The following SNTG1 variants were observed in gnomAD, a reference collection of about 807,000 sequenced individuals.
The protein encoded by SNTG1 is syntrophin gamma 1.
In SNTG1, 39 loss-of-function variants were observed where a neutral mutation model predicts 74.7. The ratio of observed to expected loss-of-function variants is 0.52; its 90% CI spans 0.40 to 0.68. The LOEUF (loss-of-function observed/expected upper bound fraction) is 0.68. SNTG1 is among the 30% of genes least tolerant of loss of function. The pLI is 0.00. For missense variants in SNTG1, 685 were observed against 609.5 expected, an observed-to-expected ratio of 1.12 and a Z score of -1.30; for synonymous variants, 254 against 217.1, an observed-to-expected ratio of 1.17 and a Z score of -1.49.
intron 2 of SNTG1, among the ~76,000 whole-genome samples, chr8:50,294,951 C>T (rs2089295958): frequency 6.6e-6 from 1 of 152,094 alleles, no homozygotes; most frequent in Admixed American, 6.6e-5. Context: ...AAACTCCATC[C>T]AACACCACAT....
chr8:50,658,735 C>A, intron 15 of SNTG1, 72 bp downstream of exon 15: 2 of 930,014 alleles, frequency 2.2e-6, no homozygotes, highest in Non-Finnish European at 3.3e-6. Context: ...TCATAAGCAG[C>A]TCATGAAAAC....
At chr8:50,651,701 C>A (rs1443141584) in intron 13 of SNTG1, among the ~76,000 whole-genome samples, 1 of 152,082 alleles carries the variant, frequency 6.6e-6, no homozygotes, top group African/African-American at 2.4e-5. Context: ...AGGTGATCCA[C>A]CCACCTCGGC....
At chr8:50,388,546 T>G (rs190045484) in intron 2 of SNTG1, among the ~76,000 whole-genome samples, 1 of 152,292 alleles carries the variant, frequency 6.6e-6, no homozygotes, top group Admixed American at 6.5e-5. Flanking sequence ...TACCCAAATC[T>G]ATATCAGTCA....
At chr8:50,484,059 TTTTC>T (rs929535793) in intron 8 of SNTG1, among the ~76,000 whole-genome samples, 11 of 151,766 alleles carry the variant, frequency 7.2e-5, no homozygotes, top group African/African-American at 1.9e-4. Context: ...ACATTCTGGA[TTTTC>T]TTTCTTTCTT....
intron 8 of SNTG1, among the ~76,000 whole-genome samples, chr8:50,468,933 T>C (rs1037055959): frequency 7.2e-5 from 11 of 152,236 alleles, no homozygotes; most frequent in African/African-American, 2.7e-4. Flanking sequence ...CCCTCCCATC[T>C]CTTATGACAT....
intron 1 of SNTG1, among the ~76,000 whole-genome samples, chr8:50,086,495 G>T (rs773745336): frequency 1.3e-5 from 2 of 152,146 alleles, no homozygotes; most frequent in Non-Finnish European, 2.9e-5. Context: ...CATGATGAGG[G>T]AGATAATTTT....
chr8:50,405,957 C>T (rs116076721), intron 4 of SNTG1, among the ~76,000 whole-genome samples: 87 of 152,130 alleles, frequency 5.7e-4, no homozygotes, highest in East Asian at 5.0e-3. Context: ...ATGCCAGTAA[C>T]GCACAGTTAT....
At chr8:49,986,307 A>C (rs1162359322) in intron 1 of SNTG1, among the ~76,000 whole-genome samples, 1 of 152,142 alleles carries the variant, frequency 6.6e-6, no homozygotes, top group Non-Finnish European at 1.5e-5. Context: ...TCTTCAGATA[A>C]TGAAGAGTGT....
chr8:50,435,039 C>T (rs1330803863), intron 4 of SNTG1, among the ~76,000 whole-genome samples: 1 of 151,996 alleles, frequency 6.6e-6, no homozygotes, highest in Admixed American at 6.6e-5. Flanking sequence ...TTCATACAAT[C>T]TTTCTCTATA....
intron 1 of SNTG1, among the ~76,000 whole-genome samples, chr8:50,019,540 C>G (rs1816634047): frequency 6.6e-6 from 1 of 152,136 alleles, no homozygotes; most frequent in South Asian, 2.1e-4. Flanking sequence ...TTTATCTGAA[C>G]TATTAATGCA....
At chr8:50,495,468 T>C (rs1463338660) in intron 8 of SNTG1, among the ~76,000 whole-genome samples, 1 of 151,888 alleles carries the variant, frequency 6.6e-6, no homozygotes. Context: ...AAATTCTTTT[T>C]TTTTTTTTTT....
At chr8:50,100,948 A>T (rs1392214488) in intron 1 of SNTG1, among the ~76,000 whole-genome samples, 1 of 152,008 alleles carries the variant, frequency 6.6e-6, no homozygotes, top group Non-Finnish European at 1.5e-5. Flanking sequence ...GTCCACCTTC[A>T]AATATTCCCT....
Position 50,794,606 on chromosome 8 carries a change from G to A in SNTG1, c.*1777G>A, listed in dbSNP as rs2095700303. 1 of 151,962 alleles carries A rather than the reference G, an allele frequency of 6.6e-6. No individual in the cohort carries two copies. Among genetic ancestry groups the A allele is most frequent in the Non-Finnish European group, 1.5e-5 (1 of 67,932 alleles). 9.4% of individuals were successfully genotyped at this position (151,962 alleles called of 1,614,324 possible). On this transcript the variant is annotated 3_prime_UTR_variant, in exon 19 of 19. Coordinates refer to ENST00000642720, the MANE Select transcript of SNTG1 (RefSeq NM_018967.5). The stretch of plus-strand genomic sequence containing the variant: ...ATTGTAAAATTGAAACCCACCAAAA[G>A]CAGCCTTCAGTAGTAGGCCACTTCT...
chr8:50,446,551 T>A (rs1360617004), intron 5 of SNTG1, among the ~76,000 whole-genome samples: 1 of 151,758 alleles, frequency 6.6e-6, no homozygotes, highest in Non-Finnish European at 1.5e-5. Flanking sequence ...TGATGGTGAG[T>A]GGCTGTAATC....
In SNTG1 at chr8:50,792,839, C is replaced by G. The variant is rs1356768205; in HGVS notation, c.*10C>G. The G allele has an allele frequency of 4.3e-6, 7 of 1,610,188 alleles. No individual in the cohort carries two copies. The highest frequency in any genetic ancestry group is 8.5e-7 in the Non-Finnish European group (1 of 1,177,848). ...AAAGTATACAACTTGACATACTGAA[C>G]TCTTCATTGACACACCCCATGACTG... On this transcript the variant is annotated 3_prime_UTR_variant, in exon 19 of 19. Coordinates refer to ENST00000642720, the MANE Select transcript of SNTG1 (RefSeq NM_018967.5).
At chr8:50,486,913 T>C (rs1484611127) in intron 8 of SNTG1, among the ~76,000 whole-genome samples, 2 of 152,244 alleles carry the variant, frequency 1.3e-5, no homozygotes, top group Non-Finnish European at 2.9e-5. Flanking sequence ...GATAATCATG[T>C]GGTTTTTGTC....
chr8:50,656,126 A>G (rs1235907929), intron 13 of SNTG1, among the ~76,000 whole-genome samples: 1 of 152,156 alleles, frequency 6.6e-6, no homozygotes, highest in Non-Finnish European at 1.5e-5. Flanking sequence ...ATGAAGTGGG[A>G]GGTATATCCT....
At position 50,633,747 on chromosome 8, in the gene SNTG1, G is replaced by T. The variant is rs776348814; in HGVS notation, c.850-23162G>T. On this transcript the variant is annotated intron_variant, in intron 13 of 18. Transcript: ENST00000642720. ...CCCAAATTCTATGGCGCTGAAACAG[G>T]TACCCATGTTATCATCTTCCTATTC... is the stretch of plus-strand genomic sequence containing the variant. Among the ~76,000 whole-genome samples the T allele has an allele frequency of 2.0e-5, 3 of 152,112 alleles. No homozygotes were observed. The South Asian group carries it at 6.2e-4, about 32-fold the overall frequency.
chr8:49,990,980 A>G (rs539802977), intron 1 of SNTG1, among the ~76,000 whole-genome samples: 12 of 152,162 alleles, frequency 7.9e-5, no homozygotes, highest in Non-Finnish European at 1.6e-4. Flanking sequence ...TCTTCAAAAG[A>G]CACCATTAAG....
Sources: gnomAD v4.1 joint callset for allele counts (sites outside exome capture counted in the v4.1 genomes callset) on GRCh38, gnomAD v4.1.1 for gene constraint, MANE v1.5 for transcripts, NCBI Gene and HGNC (gene_info 2026-07-23, HGNC 2026-07-21) for gene names.